Variants in DLG2 observed in about 807,000 individuals in gnomAD.
The protein encoded by DLG2 is discs large MAGUK scaffold protein 2.
Under a neutral mutation model 132.5 loss-of-function variants are expected in DLG2, and 45 were observed. The ratio of observed to expected loss-of-function variants is 0.34; its 90% CI spans 0.27 to 0.44. The LOEUF (loss-of-function observed/expected upper bound fraction) is 0.44. Among genes scored for constraint, DLG2 ranks in the 20% least tolerant of loss-of-function variants. The pLI is 1.00. For synonymous variants in DLG2, 424 were observed against 419.6 expected, an observed-to-expected ratio of 1.01 and a Z score of -0.13; for missense variants, 1,045 against 1,196.9, an observed-to-expected ratio of 0.87 and a Z score of 1.87.
chr11:85,049,133 A>G (rs553120790), intron 6 of DLG2, among the ~76,000 whole-genome samples: 1 of 152,180 alleles, frequency 6.6e-6, no homozygotes, highest in East Asian at 1.9e-4. Flanking sequence ...TCTGCTGCAC[A>G]TAAAAACTCA....
intron 6 of DLG2, among the ~76,000 whole-genome samples, chr11:85,016,009 C>T (rs1389820688): frequency 6.6e-6 from 1 of 151,460 alleles, no homozygotes; most frequent in Non-Finnish European, 1.5e-5. Flanking sequence ...AGTTTTATTA[C>T]AAATGAAGTA....
chr11:83,828,780 T>C (rs75553208), intron 17 of DLG2, among the ~76,000 whole-genome samples: 1,650 of 152,306 alleles, frequency 0.011, 9 homozygotes, highest in Non-Finnish European at 0.017. Context: ...TTGATAGTAA[T>C]AGCAACACTT....
rs145137645 is a variant in DLG2 at position 85,060,764 on chromosome 11, C to T, written c.357+50897G>A. On this transcript the variant is annotated intron_variant, in intron 6 of 27. Transcript: ENST00000376104. ...TTTTTATGAACTCAAAACTGTTTTC[C>T]GTGGCAGGTTCACTATCTTACATTC... Among the ~76,000 whole-genome samples, 107 of 151,596 alleles carry T rather than the reference C, an allele frequency of 7.1e-4. 1 individual carries two copies. Among genetic ancestry groups the T allele is most frequent in the African/African-American group, 2.3e-3 (96 of 41,420 alleles).
chr11:84,746,764 C>A (rs970235661), intron 6 of DLG2, among the ~76,000 whole-genome samples: 3 of 152,250 alleles, frequency 2.0e-5, no homozygotes, highest in South Asian at 4.1e-4. Flanking sequence ...TGACCACAAG[C>A]ACTAAGGTCA....
intron 7 of DLG2, among the ~76,000 whole-genome samples, chr11:84,409,544 C>CTTA (rs751937495): frequency 3.8e-4 from 58 of 152,148 alleles, no homozygotes; most frequent in Non-Finnish European, 7.6e-4. Context: ...TCTACATGTA[C>CTTA]CACACTTAAT....
chr11:85,428,343 C>G (rs1342029469), intron 3 of DLG2, among the ~76,000 whole-genome samples: 1 of 152,150 alleles, frequency 6.6e-6, no homozygotes, highest in Non-Finnish European at 1.5e-5. Flanking sequence ...AGCACCACAC[C>G]CCACTTATTC....
chr11:85,095,533 T>C (rs2069588642), intron 6 of DLG2, among the ~76,000 whole-genome samples: 1 of 152,044 alleles, frequency 6.6e-6, no homozygotes, highest in South Asian at 2.1e-4. Context: ...CTCTTAAATA[T>C]GCTCATTTTT....
At chr11:84,671,060 C>T (rs996410089) in intron 6 of DLG2, among the ~76,000 whole-genome samples, 5 of 151,948 alleles carry the variant, frequency 3.3e-5, no homozygotes, top group Admixed American at 3.3e-4. Context: ...CCTTGTCACC[C>T]TCTTTCCACA....
chr11:84,589,328 CTAAGTG>C (rs2099537396), intron 6 of DLG2, among the ~76,000 whole-genome samples: 1 of 152,034 alleles, frequency 6.6e-6, no homozygotes, highest in Non-Finnish European at 1.5e-5. Context: ...TTTCTACACC[CTAAGTG>C]TATCAGAAAA....
At chr11:83,822,733 T>A (rs1474254381) in intron 17 of DLG2, among the ~76,000 whole-genome samples, 1 of 152,228 alleles carries the variant, frequency 6.6e-6, no homozygotes, top group Non-Finnish European at 1.5e-5. Context: ...TCAGGCTTCC[T>A]GAAGAGCTTG....
At chr11:84,506,235 C>G (rs2154513055) in intron 7 of DLG2, among the ~76,000 whole-genome samples, 1 of 151,478 alleles carries the variant, frequency 6.6e-6, no homozygotes, top group Admixed American at 6.6e-5. Flanking sequence ...GCCACTGCGC[C>G]CGGCTAATTT....
chr11:85,146,589 G>T lies in DLG2; in HGVS notation c.282+7967C>A, dbSNP rs568030631. Among the ~76,000 whole-genome samples the T allele has an allele frequency of 2.6e-5, 4 of 152,182 alleles. No individual in the cohort carries two copies. The South Asian group carries it at 6.2e-4, about 24-fold the overall frequency. On this transcript the variant is annotated intron_variant, in intron 5 of 27. Transcript: ENST00000376104. ...CAGCGTGGTGCTTTATTTTACCGTG[G>T]CTGAGCTGGTACCCAGGTTGCAAGA...
intron 7 of DLG2, among the ~76,000 whole-genome samples, chr11:84,484,981 C>T (rs1301022969): frequency 1.3e-5 from 2 of 152,082 alleles, no homozygotes; most frequent in Non-Finnish European, 2.9e-5. Context: ...TATACAAATA[C>T]AACTTCATAA....
At chr11:85,409,731 C>G (rs2089145311) in intron 3 of DLG2, among the ~76,000 whole-genome samples, 2 of 151,806 alleles carry the variant, frequency 1.3e-5, no homozygotes, top group Non-Finnish European at 2.9e-5. Context: ...AACTCTGGTT[C>G]TGACACAGCT....
At chr11:84,173,719 A>G (rs1242353464) in intron 8 of DLG2, among the ~76,000 whole-genome samples, 1 of 152,142 alleles carries the variant, frequency 6.6e-6, no homozygotes, top group Non-Finnish European at 1.5e-5. Context: ...CCACTATTAT[A>G]CAAAAGTTGA....
At chr11:83,960,863 G>A (rs1260113816) in intron 14 of DLG2, among the ~76,000 whole-genome samples, 2 of 151,968 alleles carry the variant, frequency 1.3e-5, no homozygotes, top group Non-Finnish European at 2.9e-5. Flanking sequence ...GGAGGGGTGT[G>A]TATGTGTATG....
intron 2 of DLG2, among the ~76,000 whole-genome samples, chr11:85,617,588 C>T (rs1000338405): frequency 1.3e-5 from 2 of 152,136 alleles, no homozygotes; most frequent in African/African-American, 4.8e-5. Context: ...CATAATACAC[C>T]TTTGTTGAAT....
chr11:84,733,936 T>A (rs1269224718), intron 6 of DLG2, among the ~76,000 whole-genome samples: 2 of 152,178 alleles, frequency 1.3e-5, no homozygotes. Context: ...TTGTCAAAGA[T>A]CAGATGGTTG....
chr11:85,343,108 T>G (rs1313059867), intron 3 of DLG2, among the ~76,000 whole-genome samples: 2 of 152,190 alleles, frequency 1.3e-5, no homozygotes, highest in Non-Finnish European at 2.9e-5. Context: ...TATATTCAAA[T>G]TGCCCTAACT....
Sources: gnomAD v4.1 joint callset for allele counts (sites outside exome capture counted in the v4.1 genomes callset) on GRCh38, gnomAD v4.1.1 for gene constraint, MANE v1.5 for transcripts, NCBI Gene and HGNC (gene_info 2026-07-23, HGNC 2026-07-21) for gene names.